IGSF10: variants seen among roughly 807,000 people sequenced by gnomAD.
IGSF10 encodes the protein calvaria mechanical force protein 608.
A neutral mutation model predicts 128.2 loss-of-function variants in IGSF10; 126 were observed. The ratio of observed to expected loss-of-function variants is 0.98; its 90% CI spans 0.85 to 1.14. The LOEUF is 1.14. Ranked by LOEUF, IGSF10 falls within the 50% of genes most tolerant of loss-of-function variation. The pLI is 0.00. For missense variants in IGSF10, 3,295 were observed against 3,149.8 expected (o/e 1.05, Z -1.10); for synonymous variants, 1,185 against 1,146.2 (o/e 1.03, Z -0.68).
In IGSF10 at chr3:151,445,271, C is replaced by T. The variant is rs759384088; in HGVS notation, c.4710G>A (p.Trp1570Ter). The change falls in exon 6 of 8, where the codon TGG (tryptophan) becomes TGA (stop). Residue 1570 changes from tryptophan to a stop codon, truncating the protein, a stop_gained. Coordinates refer to ENST00000282466, the MANE Select transcript of IGSF10 (RefSeq NM_178822.5). LOFTEE classifies it high-confidence loss of function. ...GTTTGTGCCAAAATTGGTTTTCTGC[C>T]CAGGGAGATGGAGTTAATTTAGAAT... ...SQNSKLTPSPWAENQFWHKPY... is the reference protein window; with the variant it reads ...SQNSKLTPSP 1 of 1,614,050 alleles carries T rather than the reference C, an allele frequency of 6.2e-7. No individual in the cohort carries two copies. Among genetic ancestry groups the T allele is most frequent in the African/African-American group, 1.3e-5 (1 of 74,988 alleles).
At chr3:151,475,978 T>A in the IGSF10 span, 2 of 152,742 alleles carry the variant, frequency 1.3e-5, no homozygotes, top group Non-Finnish European at 2.9e-5. Context: ...AAGGGTGCCA[T>A]CAGACATCAC....
downstream of IGSF10, chr3:151,435,062 C>CTTTTT (rs66791814): frequency 3.1e-3 from 371 of 118,868 alleles, no homozygotes; most frequent in Non-Finnish European, 4.1e-3. Context: ...TGAGAGGTTT[C>CTTTTT]TTTTTTTTTT....
At chr3:151,588,245 A>G in the IGSF10 span, among the ~76,000 whole-genome samples, 1 of 152,160 alleles carries the variant, frequency 6.6e-6, no homozygotes, top group Non-Finnish European at 1.5e-5. Context: ...AGTTTTAGAA[A>G]TTTTGAATTC....
At chr3:151,510,305 T>A in the IGSF10 span, among the ~76,000 whole-genome samples, 1 of 152,110 alleles carries the variant, frequency 6.6e-6, no homozygotes, top group Non-Finnish European at 1.5e-5. Flanking sequence ...GGCAGCAGCA[T>A]TTGCAGCTCA....
chr3:151,610,800 A>T, the IGSF10 span, among the ~76,000 whole-genome samples: 1 of 152,330 alleles, frequency 6.6e-6, no homozygotes, highest in South Asian at 2.1e-4. Flanking sequence ...GAGAGTGAGC[A>T]TGTGAGACAC....
In IGSF10 at chr3:151,447,813, T is replaced by C. The variant is rs1168252451; in HGVS notation, c.2168A>G (p.Glu723Gly). The C allele has an allele frequency of 6.2e-7, 1 of 1,614,136 alleles. No homozygotes were observed. The highest frequency in any genetic ancestry group is 1.7e-5 in the Admixed American group (1 of 60,014). Residue 723 changes from glutamate (E) to glycine (G), a missense_variant, in exon 6 of 8, where the codon GAA becomes GGA. Physicochemically the swap from Glu to Gly is moderately conservative, Grantham distance 98. Coordinates refer to ENST00000282466, the MANE Select transcript of IGSF10 (RefSeq NM_178822.5). ...SSTSKRHNYR[E>G]LTLQRRGDST... ...ATCTCCACGTCGCTGGAGTGTTAATTCCCGATAGTTGTGCCTCTTACTTGT... is the reference window on the plus strand; with the variant it reads ...ATCTCCACGTCGCTGGAGTGTTAATCCCCGATAGTTGTGCCTCTTACTTGT...
the IGSF10 span, among the ~76,000 whole-genome samples, chr3:151,482,028 C>T: frequency 6.6e-6 from 1 of 152,138 alleles, no homozygotes; most frequent in East Asian, 1.9e-4. Flanking sequence ...CACCCTCAAG[C>T]ACATCTGCAG....
chr3:151,449,217 C>A lies in IGSF10; in HGVS notation c.764G>T (p.Cys255Phe), dbSNP rs1721391760. Residue 255 changes from cysteine (C) to phenylalanine (F), a missense_variant, in exon 6 of 8, where the codon TGT (cysteine) becomes TTT (phenylalanine). Cys to Phe is a radical substitution (Grantham distance 205). Coordinates refer to ENST00000282466, the MANE Select transcript of IGSF10 (RefSeq NM_178822.5). ...KDRSPSSAQQCPLCMNPRTSK... is the reference protein window; with the variant it reads ...KDRSPSSAQQFPLCMNPRTSK... ...AGTCCTAGGGTTCATGCAAAGTGGA[C>A]ACTGCTGAGCACTAGAGGGACTTCT... is the stretch of plus-strand genomic sequence containing the variant. The A allele has an allele frequency of 1.2e-6, 2 of 1,610,492 alleles. No homozygotes were observed. Among genetic ancestry groups the A allele is most frequent in the Non-Finnish European group, 1.7e-6 (2 of 1,178,944 alleles).
the IGSF10 span, among the ~76,000 whole-genome samples, chr3:151,501,400 G>A: frequency 1.3e-5 from 2 of 151,788 alleles, no homozygotes; most frequent in South Asian, 4.2e-4. Context: ...TAACTTCCAG[G>A]ATTAGAAAAA....
At chr3:151,533,450 A>AC in the IGSF10 span, among the ~76,000 whole-genome samples, 3 of 152,370 alleles carry the variant, frequency 2.0e-5, no homozygotes, top group East Asian at 5.8e-4. Flanking sequence ...TGGTACCAAA[A>AC]CAGATATATA....
At chr3:151,614,892 T>TAA in the IGSF10 span, among the ~76,000 whole-genome samples, 620 of 123,286 alleles carry the variant, frequency 5.0e-3, 2 homozygotes, top group Non-Finnish European at 6.8e-3. Flanking sequence ...ACAGAAACAG[T>TAA]AAAAAAAAAA....
Position 151,457,008 on chromosome 3 carries a change from T to C in IGSF10, c.324+18A>G. 1 of 1,613,966 alleles carries C rather than the reference T, an allele frequency of 6.2e-7. No homozygotes were observed. The highest frequency in any genetic ancestry group is 2.2e-5 in the East Asian group (1 of 44,882). ...CACCTTACCTCTTTAACCTGCCCCCTCTCTCCATCAGTCTCACCTGCAAGG... is the reference window on the plus strand; with the variant it reads ...CACCTTACCTCTTTAACCTGCCCCCCCTCTCCATCAGTCTCACCTGCAAGG... On this transcript the variant is annotated intron_variant, in intron 4 of 7. Transcript: ENST00000282466.
the IGSF10 span, among the ~76,000 whole-genome samples, chr3:151,489,233 A>G: frequency 1.3e-5 from 2 of 152,226 alleles, no homozygotes; most frequent in African/African-American, 4.8e-5. Context: ...AAAGGTCATC[A>G]TCACTGGTCA....
the IGSF10 span, among the ~76,000 whole-genome samples, chr3:151,488,121 T>G: frequency 1.3e-5 from 2 of 152,142 alleles, no homozygotes; most frequent in Non-Finnish European, 2.9e-5. Context: ...GATAAGCAAC[T>G]TCAGCAAAGT....
chr3:151,434,484 ATTCTT>A (rs1719873075), downstream of IGSF10: 1 of 150,884 alleles, frequency 6.6e-6, no homozygotes, highest in Non-Finnish European at 1.5e-5. Flanking sequence ...ATTAAAAACT[ATTCTT>A]TTCACTAAAT....
chr3:151,619,430 A>ATGTGTGTG, the IGSF10 span, among the ~76,000 whole-genome samples: 304 of 144,326 alleles, frequency 2.1e-3, 3 homozygotes, highest in Middle Eastern at 3.5e-3. Context: ...ATTACTTTTA[A>ATGTGTGTG]TGTGTGTGTG....
chr3:151,502,503 T>C, the IGSF10 span, among the ~76,000 whole-genome samples: 2 of 152,160 alleles, frequency 1.3e-5, no homozygotes, highest in Non-Finnish European at 1.5e-5. Context: ...ACTCTCTCCA[T>C]AGATTTTGCC....
chr3:151,454,400 G>C (rs1721676535), intron 4 of IGSF10, among the ~76,000 whole-genome samples: 1 of 152,006 alleles, frequency 6.6e-6, no homozygotes, highest in African/African-American at 2.4e-5. Context: ...ATATATAGAA[G>C]TACTTACAGA....
chr3:151,433,951 CAAGT>C (rs1386054025), downstream of IGSF10: 3 of 152,516 alleles, frequency 2.0e-5, no homozygotes, highest in African/African-American at 4.8e-5. Context: ...TAACTTTGTT[CAAGT>C]ATGTGGTAAT....
Sources: gnomAD v4.1 joint callset for allele counts (sites outside exome capture counted in the v4.1 genomes callset) on GRCh38, gnomAD v4.1.1 for gene constraint, MANE v1.5 for transcripts, NCBI Gene and HGNC (gene_info 2026-07-23, HGNC 2026-07-21) for gene names.